Variants in CEP112 observed in about 807,000 individuals in gnomAD.
CEP112 encodes centrosomal protein of 112 kDa.
CEP112 carries 127 observed loss-of-function variants against 153.0 expected under a neutral mutation model. That is an observed-to-expected ratio of 0.83 (90% CI 0.72 to 0.96). CEP112 has a LOEUF of 0.96. Ranked by LOEUF, CEP112 falls within the 40% of genes least tolerant of loss-of-function variation. The probability of loss-of-function intolerance (pLI) is 0.00; values close to 1 mark genes in which losing one functional copy is unlikely to be tolerated. For missense variants in CEP112, 1,089 were observed against 1,101.2 expected (o/e 0.99, Z 0.16); for synonymous variants, 358 against 374.4 (o/e 0.96, Z 0.51).
chr17:65,870,051 A>AAGAG (rs2058609929), intron 20 of CEP112, among the ~76,000 whole-genome samples: 2 of 76,938 alleles, frequency 2.6e-5, no homozygotes, highest in South Asian at 3.9e-4. Context: ...GAAAGAAAGA[A>AAGAG]AGAAAGAAAG....
intron 25 of CEP112, among the ~76,000 whole-genome samples, chr17:65,637,854 ATGAG>A (rs748195678): frequency 2.0e-5 from 3 of 152,212 alleles, no homozygotes; most frequent in African/African-American, 7.2e-5. Flanking sequence ...GAATGAATGA[ATGAG>A]TGAGTGTAAG....
rs567184333 is a variant in CEP112 at position 65,884,703 on chromosome 17, T to G, written c.2163+17449A>C. Among the ~76,000 whole-genome samples the G allele has an allele frequency of 5.8e-5, 4 of 68,478 alleles. No individual in the cohort carries two copies. The South Asian group carries it at 2.3e-3, about 40-fold the overall frequency. The allele number at this position is 68,478 out of a possible 152,430, so 44.9% of individuals were successfully genotyped here. A position where few individuals can be genotyped will look rare whatever the true frequency, so the allele number is the denominator to read the frequency against. ...CTATAGTTTGGATATTAGTTTGTAGTTTCTTTTTTTTTTTTCTTTTTTTTT... is the reference window on the plus strand; with the variant it reads ...CTATAGTTTGGATATTAGTTTGTAGGTTCTTTTTTTTTTTTCTTTTTTTTT... On this transcript the variant is annotated intron_variant, in intron 20 of 26. Coordinates refer to ENST00000535342, the MANE Select transcript of CEP112 (RefSeq NM_001199165.4).
chr17:65,844,033 A>G (rs1568103996), intron 21 of CEP112, among the ~76,000 whole-genome samples: 1 of 152,230 alleles, frequency 6.6e-6, no homozygotes, highest in Non-Finnish European at 1.5e-5. Context: ...TGAGAAAAAC[A>G]TTAGGACCCT....
At chr17:65,897,805 T>G (rs1006696325) in intron 20 of CEP112, among the ~76,000 whole-genome samples, 7 of 152,194 alleles carry the variant, frequency 4.6e-5, no homozygotes, top group African/African-American at 1.7e-4. Context: ...CCCCACCAGA[T>G]TTTATTTCCA....
chr17:65,805,084 A>C (rs2055518537), intron 21 of CEP112, among the ~76,000 whole-genome samples: 1 of 152,022 alleles, frequency 6.6e-6, no homozygotes, highest in Non-Finnish European at 1.5e-5. Context: ...CCTGAGCTCA[A>C]GTGACCTGGC....
chr17:66,134,570 G>A (rs1413464883), intron 4 of CEP112, among the ~76,000 whole-genome samples: 1 of 152,184 alleles, frequency 6.6e-6, no homozygotes, highest in Non-Finnish European at 1.5e-5. Flanking sequence ...AGGTGCAGTA[G>A]CTCACAACTG....
chr17:66,152,297 A>G (rs987840637), intron 4 of CEP112, among the ~76,000 whole-genome samples: 4 of 152,202 alleles, frequency 2.6e-5, no homozygotes, highest in Non-Finnish European at 5.9e-5. Flanking sequence ...TTACATAGAG[A>G]TAGAAAGCTA....
intron 21 of CEP112, among the ~76,000 whole-genome samples, chr17:65,799,780 T>C (rs1452906150): frequency 6.6e-6 from 1 of 152,228 alleles, no homozygotes; most frequent in African/African-American, 2.4e-5. Context: ...AATAATCCTT[T>C]ATGCACCATC....
intron 24 of CEP112, among the ~76,000 whole-genome samples, chr17:65,668,000 G>T (rs549653888): frequency 6.6e-6 from 1 of 151,776 alleles, no homozygotes. Flanking sequence ...AGATTCAAGT[G>T]ATTCTCCTGG....
intron 4 of CEP112, among the ~76,000 whole-genome samples, chr17:66,169,344 T>G (rs2072144165): frequency 6.8e-6 from 1 of 146,302 alleles, no homozygotes; most frequent in African/African-American, 2.5e-5. Context: ...AATGCAGTGG[T>G]GCAATCTCAG....
chr17:66,091,783 T>C (rs1388854514), intron 8 of CEP112, among the ~76,000 whole-genome samples: 6 of 151,894 alleles, frequency 4.0e-5, no homozygotes, highest in Admixed American at 3.9e-4. Context: ...TTGACAAAAC[T>C]TTAGCTAGAC....
At chr17:65,705,625 C>T (rs1468601026) in intron 23 of CEP112, among the ~76,000 whole-genome samples, 1 of 152,148 alleles carries the variant, frequency 6.6e-6, no homozygotes, top group African/African-American at 2.4e-5. Flanking sequence ...CACAAGGAAG[C>T]AGGCAGATAA....
intron 4 of CEP112, among the ~76,000 whole-genome samples, chr17:66,145,360 C>CT (rs1389946605): frequency 1.3e-5 from 2 of 151,768 alleles, no homozygotes; most frequent in Non-Finnish European, 2.9e-5. Context: ...CAAATGGTGC[C>CT]TTTTTTAAAA....
chr17:66,009,988 T>C (rs1436847178), intron 16 of CEP112, among the ~76,000 whole-genome samples: 2 of 152,238 alleles, frequency 1.3e-5, no homozygotes, highest in African/African-American at 4.8e-5. Flanking sequence ...TTTTTTCTAA[T>C]TCTGTGAAGA....
intron 17 of CEP112, among the ~76,000 whole-genome samples, chr17:65,967,277 CT>C (rs1191764190): frequency 6.6e-6 from 1 of 152,186 alleles, no homozygotes; most frequent in East Asian, 1.9e-4. Context: ...TCAAAAACCT[CT>C]TAAGAAGATA....
intron 23 of CEP112, among the ~76,000 whole-genome samples, chr17:65,740,856 T>G (rs2051090242): frequency 6.6e-6 from 1 of 152,204 alleles, no homozygotes; most frequent in Non-Finnish European, 1.5e-5. Flanking sequence ...AATCAGAATG[T>G]CCAAATCAAA....
intron 17 of CEP112, among the ~76,000 whole-genome samples, chr17:65,992,101 A>T (rs1281136347): frequency 6.6e-6 from 1 of 152,050 alleles, no homozygotes; most frequent in Non-Finnish European, 1.5e-5. Flanking sequence ...TATTCCATTT[A>T]AGTCTTTTAT....
At chr17:66,094,162 C>T (rs1176741808) in intron 8 of CEP112, among the ~76,000 whole-genome samples, 7 of 152,100 alleles carry the variant, frequency 4.6e-5, no homozygotes, top group South Asian at 2.1e-4. Context: ...CAGGTTCAAG[C>T]GATTCTCCCG....
intron 19 of CEP112, among the ~76,000 whole-genome samples, chr17:65,910,698 G>T (rs956345155): frequency 6.6e-6 from 1 of 151,960 alleles, no homozygotes; most frequent in Non-Finnish European, 1.5e-5. Flanking sequence ...TCATAATAAA[G>T]GTCCAGGAAA....
Sources: gnomAD v4.1 joint callset for allele counts (sites outside exome capture counted in the v4.1 genomes callset) on GRCh38, gnomAD v4.1.1 for gene constraint, MANE v1.5 for transcripts, NCBI Gene and HGNC (gene_info 2026-07-23, HGNC 2026-07-21) for gene names.